The following SUFU variants were observed in gnomAD, a reference collection of about 807,000 sequenced individuals.
SUFU encodes SUFU negative regulator of hedgehog signaling.
A neutral mutation model predicts 58.9 loss-of-function variants in SUFU; 7 were observed. The observed-to-expected ratio is 0.12, with a 90% CI of 0.07 to 0.22. The LOEUF (loss-of-function observed/expected upper bound fraction) is 0.22, where lower values mean the gene tolerates loss of function less well. Ranked by LOEUF, SUFU falls within the 10% of genes least tolerant of loss-of-function variation. The pLI is 1.00. For synonymous variants in SUFU, 232 were observed against 254.8 expected (o/e 0.91, Z 0.85); for missense variants, 451 against 641.3 (o/e 0.70, Z 3.20).
At chr10:102,522,469 A>T (rs1372087776) in intron 2 of SUFU, among the ~76,000 whole-genome samples, 1 of 152,188 alleles carries the variant, frequency 6.6e-6, no homozygotes, top group Non-Finnish European at 1.5e-5. Flanking sequence ...TGCGTGGTAC[A>T]GAAGACTGAG....
chr10:102,538,989 G>T (rs1034308503), intron 2 of SUFU, among the ~76,000 whole-genome samples: 10 of 152,184 alleles, frequency 6.6e-5, no homozygotes, highest in Admixed American at 3.3e-4. Context: ...TGCTTTTTAA[G>T]TGTGGCAGTG....
At chr10:102,551,043 AGT>A (rs1196990705) in intron 3 of SUFU, among the ~76,000 whole-genome samples, 1 of 151,934 alleles carries the variant, frequency 6.6e-6, no homozygotes, top group East Asian at 1.9e-4. Context: ...GCGCCTGGCC[AGT>A]GACTTCTTTT....
chr10:102,614,466 G>A (rs2063661299), intron 8 of SUFU, among the ~76,000 whole-genome samples: 1 of 151,784 alleles, frequency 6.6e-6, no homozygotes. Context: ...GCTGAGGCAG[G>A]AGAATTGCTT....
At chr10:102,580,492 G>C (rs556753048) in intron 3 of SUFU, among the ~76,000 whole-genome samples, 12 of 152,296 alleles carry the variant, frequency 7.9e-5, no homozygotes, top group Admixed American at 5.2e-4. Context: ...TTTGGCTTGG[G>C]GAGGGGGTAT....
rs2063851710 is a variant in SUFU at position 102,633,142 on chromosome 10, T to C, written c.*2987T>C. 8.6e-6 allele frequency: 2 copies of C among 233,282 alleles called. No homozygotes were observed. Among genetic ancestry groups the C allele is most frequent in the South Asian group, 1.8e-4 (1 of 5,538 alleles). The allele number at this position is 233,282 out of a possible 1,614,324, so 14.5% of individuals were successfully genotyped here. A position where few individuals can be genotyped will look rare whatever the true frequency, so the allele number is the denominator to read the frequency against. ...GGGCTGACCAGTAGAGAATTTCCTT[T>C]ACTGTATTTTTGTGTCTGGTCTTCC... is the stretch of plus-strand genomic sequence containing the variant. On this transcript the variant is annotated 3_prime_UTR_variant, in exon 12 of 12. Transcript: ENST00000369902.
chr10:102,537,063 G>T (rs2062748195), intron 2 of SUFU, among the ~76,000 whole-genome samples: 1 of 151,656 alleles, frequency 6.6e-6, no homozygotes, highest in Non-Finnish European at 1.5e-5. Flanking sequence ...TGCCCGCGTT[G>T]GTCTCTCAAA....
chr10:102,615,207 A>G (rs1466364318), intron 8 of SUFU, 61 bp from the exon 9 acceptor site: 14 of 1,612,360 alleles, frequency 8.7e-6, no homozygotes, highest in Non-Finnish European at 1.1e-5. Flanking sequence ...GGAGACTCCC[A>G]TCTTGCTCCT....
At chr10:102,533,260 G>A (rs995311701) in intron 2 of SUFU, among the ~76,000 whole-genome samples, 1 of 152,078 alleles carries the variant, frequency 6.6e-6, no homozygotes, top group African/African-American at 2.4e-5. Context: ...AGTCTAACAT[G>A]TATCTCACTG....
intron 2 of SUFU, among the ~76,000 whole-genome samples, chr10:102,535,095 G>A (rs530604510): frequency 1.3e-5 from 2 of 152,298 alleles, no homozygotes; most frequent in South Asian, 2.1e-4. Flanking sequence ...GAGAAGGGCT[G>A]GTTGGAAAGG....
chr10:102,520,698 G>A (rs1428634812), intron 2 of SUFU, among the ~76,000 whole-genome samples: 4 of 152,062 alleles, frequency 2.6e-5, no homozygotes, highest in South Asian at 2.1e-4. Flanking sequence ...TTTTCCAAAA[G>A]GTCATAGAGT....
chr10:102,534,849 C>G (rs966500221), intron 2 of SUFU, among the ~76,000 whole-genome samples: 1 of 152,166 alleles, frequency 6.6e-6, no homozygotes, highest in Non-Finnish European at 1.5e-5. Flanking sequence ...TTAGGTTTCT[C>G]TATAGTCTCT....
At chr10:102,551,973 C>T (rs1435697354) in intron 3 of SUFU, among the ~76,000 whole-genome samples, 2 of 151,904 alleles carry the variant, frequency 1.3e-5, no homozygotes, top group African/African-American at 2.4e-5. Flanking sequence ...GATCCACCCG[C>T]CTCAGCCTCC....
At chr10:102,524,986 A>G (rs754565455) in intron 2 of SUFU, among the ~76,000 whole-genome samples, 8 of 152,222 alleles carry the variant, frequency 5.3e-5, no homozygotes, top group Non-Finnish European at 1.0e-4. Context: ...TTCAGTTTGG[A>G]CCCTTATTCC....
chr10:102,561,821 A>C (rs1328543005), intron 3 of SUFU, among the ~76,000 whole-genome samples: 2 of 151,900 alleles, frequency 1.3e-5, no homozygotes, highest in African/African-American at 4.8e-5. Flanking sequence ...GGTGCATGCC[A>C]CCACACCCGG....
rs2135882176 is a variant in SUFU at position 102,597,265 on chromosome 10, C to T, written c.882C>T (p.Gly294=). ...AGGACAGCCGGAGCATCTGCATCGG[C>T]ACACAGCCCCGGCGACTCTCTGGCA... ...DDEDSRSICI[G]TQPRRLSGKD... Residue 294 remains glycine, a synonymous_variant, in exon 7 of 12, where the codon GGC becomes GGT. Transcript: ENST00000369902. 3 of 1,613,858 alleles carry T rather than the reference C, an allele frequency of 1.9e-6. No homozygotes were observed. The Middle Eastern group carries it at 5.0e-4, about 271-fold the overall frequency.
intron 10 of SUFU, among the ~76,000 whole-genome samples, chr10:102,621,396 G>C (rs576645145): frequency 2.0e-5 from 3 of 152,284 alleles, no homozygotes; most frequent in African/African-American, 7.2e-5. Flanking sequence ...GCAGCCCACA[G>C]CCAGAGCAGG....
chr10:102,612,193 GTGTGTGTGTGTGTGTGCACGCGCA>G (rs943179229), intron 8 of SUFU, among the ~76,000 whole-genome samples: 9 of 97,744 alleles, frequency 9.2e-5, no homozygotes, highest in Non-Finnish European at 1.3e-4. Context: ...GTGTGTGTGT[GTGTGTGTGTGTGTGTGCACGCGCA>G]TGTGTGTGTG....
chr10:102,542,723 C>G (rs1206836130), intron 2 of SUFU, among the ~76,000 whole-genome samples: 1 of 150,828 alleles, frequency 6.6e-6, no homozygotes, highest in East Asian at 1.9e-4. Flanking sequence ...TTCCTGGATT[C>G]AAGCAATCCT....
chr10:102,583,226 C>CA (rs1448922914), intron 3 of SUFU, among the ~76,000 whole-genome samples: 1 of 152,156 alleles, frequency 6.6e-6, no homozygotes, highest in Non-Finnish European at 1.5e-5. Context: ...TAAGAAAGAC[C>CA]ATTTCTTGTC....
Sources: gnomAD v4.1 joint callset for allele counts (sites outside exome capture counted in the v4.1 genomes callset) on GRCh38, gnomAD v4.1.1 for gene constraint, MANE v1.5 for transcripts, NCBI Gene and HGNC (gene_info 2026-07-23, HGNC 2026-07-21) for gene names.